The following STK10 variants were observed in gnomAD, a reference collection of about 807,000 sequenced individuals.
The protein encoded by STK10 is serine/threonine-protein kinase 10.
In STK10, 78 loss-of-function variants were observed where a neutral mutation model predicts 113.8. The observed-to-expected ratio is 0.69, with a 90% CI of 0.57 to 0.83. The LOEUF is 0.83. STK10 is among the 40% of genes least tolerant of loss of function. STK10 has a pLI of 0.00. For missense variants in STK10, 1,109 were observed against 1,280.1 expected (o/e 0.87, Z 2.04); for synonymous variants, 465 against 494.7 (o/e 0.94, Z 0.80).
chr5:172,110,970 G>C (rs377557050), intron 4 of STK10, among the ~76,000 whole-genome samples: 2 of 152,150 alleles, frequency 1.3e-5, no homozygotes, highest in African/African-American at 4.8e-5. Context: ...CTGAGCCCCG[G>C]TTAGTGCTAA....
chr5:172,082,189 G>T lies in STK10; in HGVS notation c.1989+137C>A. On this transcript the variant is annotated intron_variant, in intron 12 of 18. Transcript: ENST00000176763. The surrounding 1 kb of genome is among the most constrained non-coding windows in gnomAD (Gnocchi z 4.3). Reference sequence around the variant, plus strand: ...CCTCATGGCGCAGCTTGGGCACACAGATCCAGGCTCACCTGCTCCCGAGCT... The same window carrying T: ...CCTCATGGCGCAGCTTGGGCACACATATCCAGGCTCACCTGCTCCCGAGCT... 2.1e-6 allele frequency: 2 copies of T among 954,866 alleles called. No homozygotes were observed. Among genetic ancestry groups the T allele is most frequent in the East Asian group, 3.0e-5 (1 of 33,674 alleles). The allele number at this position is 954,866 out of a possible 1,614,324, so 59.1% of individuals were successfully genotyped here. A position where few individuals can be genotyped will look rare whatever the true frequency, so the allele number is the denominator to read the frequency against.
At chr5:172,045,068 C>G (rs1263144847) in intron 18 of STK10, 46 bp from the exon 19 acceptor site, 4 of 1,604,048 alleles carry the variant, frequency 2.5e-6, no homozygotes, top group Non-Finnish European at 2.6e-6. Flanking sequence ...ATCTGCAGGC[C>G]ACACGTGGGT....
Position 172,042,339 on chromosome 5 carries a change from G to A in STK10, c.*2543C>T, listed in dbSNP as rs1242021387. On this transcript the variant is annotated 3_prime_UTR_variant, in exon 19 of 19. Transcript: ENST00000176763. ...GGCCTCTCAGAGATGGGCATTGCAC[G>A]GTGGCTCCACGGTGAGGCTAGGTGA... 7.9e-5 allele frequency: 12 copies of A among 152,644 alleles called. No individual in the cohort carries two copies. The highest frequency in any genetic ancestry group is 2.7e-4 in the African/African-American group (11 of 41,442). 9.5% of individuals were successfully genotyped at this position (152,644 alleles called of 1,614,324 possible).
In STK10 at chr5:172,043,954, C is replaced by A. The variant is rs571850802; in HGVS notation, c.*928G>T. 1 of 152,438 alleles carries A rather than the reference C, an allele frequency of 6.6e-6. No individual in the cohort carries two copies. The highest frequency in any genetic ancestry group is 1.9e-4 in the East Asian group (1 of 5,190). 9.4% of individuals were successfully genotyped at this position (152,438 alleles called of 1,614,324 possible). A position where few individuals can be genotyped will look rare whatever the true frequency, so the allele number is the denominator to read the frequency against. On this transcript the variant is annotated 3_prime_UTR_variant, in exon 19 of 19. Transcript: ENST00000176763. ...TATGGAGCAGACTGGGTTGTGGAAGCCTCGTGTGCTGAGGAATCAGTCCCT... is the reference window on the plus strand; with the variant it reads ...TATGGAGCAGACTGGGTTGTGGAAGACTCGTGTGCTGAGGAATCAGTCCCT...
chr5:172,140,137 G>A (rs1366917722), intron 2 of STK10, among the ~76,000 whole-genome samples: 1 of 152,076 alleles, frequency 6.6e-6, no homozygotes, highest in African/African-American at 2.4e-5. Flanking sequence ...GACGTGAATG[G>A]ACACCTCTTC....
chr5:172,055,143 C>T (rs1767717274), intron 16 of STK10, among the ~76,000 whole-genome samples: 1 of 151,700 alleles, frequency 6.6e-6, no homozygotes, highest in Admixed American at 6.6e-5. Flanking sequence ...CCAGGGCACG[C>T]ATGGTGACTC....
At chr5:172,106,504 A>T (rs1769113728) in intron 6 of STK10, 116 bp downstream of exon 6, 1 of 1,154,632 alleles carries the variant, frequency 8.7e-7, no homozygotes, top group African/African-American at 1.6e-5. Context: ...TCTCCTTTGG[A>T]GCTAGCAGCA....
At chr5:172,073,802 A>C (rs1303904428) in intron 12 of STK10, among the ~76,000 whole-genome samples, 1 of 149,458 alleles carries the variant, frequency 6.7e-6, no homozygotes, top group Non-Finnish European at 1.5e-5. Flanking sequence ...GCAAAAAAAA[A>C]AAAAAAAAAA....
intron 14 of STK10, among the ~76,000 whole-genome samples, chr5:172,058,561 C>A (rs1767855633): frequency 6.6e-6 from 1 of 152,160 alleles, no homozygotes; most frequent in African/African-American, 2.4e-5. Context: ...AGGCACCAAA[C>A]TCAAATTTGT....
intron 2 of STK10, among the ~76,000 whole-genome samples, chr5:172,155,996 A>G (rs1770339830): frequency 6.8e-6 from 1 of 148,022 alleles, no homozygotes; most frequent in African/African-American, 2.5e-5. Context: ...CTCCATCTCA[A>G]AAAAAAAAAA....
rs145605576 is a variant in STK10, at chr5:172,057,181, C to A, written c.2337+168G>T. 1.3e-3 allele frequency: 1,115 copies of A among 863,612 alleles called. 4 individuals are homozygous for A. In the African/African-American group the frequency reaches 0.016, roughly 13 times the overall value. The allele number at this position is 863,612 out of a possible 1,614,324, so 53.5% of individuals were successfully genotyped here. On this transcript the variant is annotated intron_variant, in intron 15 of 18. Transcript: ENST00000176763. ...CCTAGCCCCTTGAGCTGAAGCAGGACGCCCCTGGAGAACCTCCTGGGGCCT... is the reference window on the plus strand; with the variant it reads ...CCTAGCCCCTTGAGCTGAAGCAGGAAGCCCCTGGAGAACCTCCTGGGGCCT...
At chr5:172,064,665 C>A in intron 13 of STK10, 55 bp downstream of exon 13, 1 of 1,576,368 alleles carries the variant, frequency 6.3e-7, no homozygotes, top group South Asian at 1.1e-5. Flanking sequence ...GGCCTGGTCA[C>A]CATTCCAGGT....
rs1355128107 is a variant in STK10 at position 172,044,919 on chromosome 5, G to A, written c.2870C>T (p.Ala957Val). 34 of 1,614,226 alleles carry A rather than the reference G, an allele frequency of 2.1e-5. No homozygotes were observed. Among genetic ancestry groups the A allele is most frequent in the Non-Finnish European group, 2.6e-5 (31 of 1,180,040 alleles). Residue 957 changes from alanine (A) to valine (V), a missense_variant, in exon 19 of 19, where the codon GCC (alanine) becomes GTC (valine). Around this residue, in one of 5 missense-constraint regions of STK10, gnomAD observed 885 missense variants for 991.1 expected, o/e 0.89. Transcript: ENST00000176763. This position sits in a 1 kb window ranked among gnomAD's most constrained non-coding sequence, Gnocchi z 4.5. The stretch of plus-strand genomic sequence containing the variant: ...CGCAGAACTGTAGGGGAAGAACTTG[G>A]CGGCCTTGCTTGGGGTGGAGGGGTT... Reference protein sequence around the residue: ...CPNPSTPSKAAKFFPYSSADA... With the variant: ...CPNPSTPSKAVKFFPYSSADA...
chr5:172,164,734 A>C (rs1286955426), intron 1 of STK10, among the ~76,000 whole-genome samples: 1 of 152,144 alleles, frequency 6.6e-6, no homozygotes, highest in Non-Finnish European at 1.5e-5. Flanking sequence ...AGTCTTGGAA[A>C]GCTAAGGGTG....
At chr5:172,104,204 A>T (rs1347559208) in intron 7 of STK10, among the ~76,000 whole-genome samples, 1 of 152,204 alleles carries the variant, frequency 6.6e-6, no homozygotes, top group Non-Finnish European at 1.5e-5. Flanking sequence ...CGGAGCCGAC[A>T]CGGCAGTGAA....
In STK10 at chr5:172,054,702, A is replaced by G. The variant is rs773732769; in HGVS notation, c.2527-8T>C. On this transcript the variant is annotated splice_region_variant and splice_polypyrimidine_tract_variant and intron_variant, in intron 16 of 18. Transcript: ENST00000176763. Reference sequence around the variant, plus strand: ...CTCCTCCTGCTGGGAGAACTGCACCAGAGAGAGGGTGGGTGCCTCAGGGGA... The same window carrying G: ...CTCCTCCTGCTGGGAGAACTGCACCGGAGAGAGGGTGGGTGCCTCAGGGGA... 6.8e-6 allele frequency: 11 copies of G among 1,608,074 alleles called. No individual in the cohort carries two copies. The Admixed American group carries it at 1.8e-4, about 27-fold the overall frequency.
intron 2 of STK10, among the ~76,000 whole-genome samples, chr5:172,131,937 G>T (rs1343774731): frequency 6.6e-6 from 1 of 152,192 alleles, no homozygotes; most frequent in Non-Finnish European, 1.5e-5. Flanking sequence ...AAAAGGGCTA[G>T]AGGCTGTGAG....
chr5:172,098,960 TCAC>T (rs200197181), intron 7 of STK10, among the ~76,000 whole-genome samples: 11,373 of 145,406 alleles, frequency 0.078, 1,484 homozygotes, highest in African/African-American at 0.28. Context: ...ATCATCACCT[TCAC>T]CACCATCACC....
intron 1 of STK10, among the ~76,000 whole-genome samples, chr5:172,160,962 C>T (rs558002567): frequency 6.6e-6 from 1 of 152,322 alleles, no homozygotes; most frequent in Admixed American, 6.5e-5. Flanking sequence ...TGCCAACAGA[C>T]ATTTAACAGA....
Sources: gnomAD v4.1 joint callset for allele counts (sites outside exome capture counted in the v4.1 genomes callset) on GRCh38, gnomAD v4.1.1 for gene constraint, gnomAD v4.1.1 regional missense constraint, Gnocchi (gnomAD v3.1) non-coding constraint, MANE v1.5 for transcripts, NCBI Gene and HGNC (gene_info 2026-07-23, HGNC 2026-07-21) for gene names.